The following DDC variants were observed in gnomAD, a reference collection of about 807,000 sequenced individuals.
DDC encodes the protein aromatic-L-amino-acid decarboxylase.
Under a neutral mutation model 60.0 loss-of-function variants are expected in DDC, and 43 were observed. That is an observed-to-expected ratio of 0.72 (90% CI 0.56 to 0.92). The LOEUF (loss-of-function observed/expected upper bound fraction) is 0.92, where lower values mean the gene tolerates loss of function less well. DDC is among the 40% of genes least tolerant of loss of function. DDC has a pLI of 0.00. For missense variants in DDC, 573 were observed against 620.2 expected (o/e 0.92, Z 0.81); for synonymous variants, 232 against 234.6 (o/e 0.99, Z 0.10).
rs923068538 is a variant in DDC, at chr7:50,463,489, T to G, written c.1243-58A>C. On this transcript the variant is annotated intron_variant, in intron 13 of 14. Transcript: ENST00000444124. ...GGTCTCTGAGGACTCAAAAATCAAC[T>G]GGTCATGTAGGAAAGACAGTGCTTG... 8 of 1,465,922 alleles carry G rather than the reference T, an allele frequency of 5.5e-6. No individual in the cohort carries two copies. The African/African-American group carries it at 8.3e-5, about 15-fold the overall frequency. The allele number at this position is 1,465,922 out of a possible 1,614,324, so 90.8% of individuals were successfully genotyped here.
intron 1 of DDC, among the ~76,000 whole-genome samples, chr7:50,551,238 T>G (rs970013624): frequency 6.6e-6 from 1 of 151,200 alleles, no homozygotes; most frequent in African/African-American, 2.4e-5. Flanking sequence ...ACTTTTTTTT[T>G]TTTTTTTTTT....
At chr7:50,503,290 C>T (rs1352319325) in intron 7 of DDC, among the ~76,000 whole-genome samples, 2 of 152,214 alleles carry the variant, frequency 1.3e-5, no homozygotes, top group East Asian at 1.9e-4. Context: ...CCCTGCCCTA[C>T]GAGGGTTCTT....
chr7:50,521,395 A>C (rs1451366), intron 6 of DDC, among the ~76,000 whole-genome samples: 106,700 of 152,062 alleles, frequency 0.7, 37,879 homozygotes, highest in East Asian at 0.8. Flanking sequence ...TTACTTACAG[A>C]AAATAGAAGC....
intron 11 of DDC, among the ~76,000 whole-genome samples, chr7:50,472,926 G>A (rs747591728): frequency 3.5e-4 from 53 of 152,080 alleles, no homozygotes; most frequent in Non-Finnish European, 6.5e-4. Flanking sequence ...TCCCCAGACC[G>A]CCTTAGGTTT....
At chr7:50,536,585 C>A (rs774964852) in intron 4 of DDC, among the ~76,000 whole-genome samples, 1 of 152,234 alleles carries the variant, frequency 6.6e-6, no homozygotes, top group Non-Finnish European at 1.5e-5. Flanking sequence ...AGCAGATTCA[C>A]CCCTGGAGCC....
At chr7:50,522,252 ATG>A (rs1321383021) in intron 6 of DDC, among the ~76,000 whole-genome samples, 5 of 152,158 alleles carry the variant, frequency 3.3e-5, no homozygotes, top group African/African-American at 1.2e-4. Context: ...CAATACTCTA[ATG>A]AAGAAAATTT....
chr7:50,552,083 T>C (rs2045015593), intron 1 of DDC, among the ~76,000 whole-genome samples: 2 of 152,222 alleles, frequency 1.3e-5, no homozygotes, highest in South Asian at 4.1e-4. Context: ...ATATTCCTAG[T>C]CAAAGTGTAA....
At chr7:50,561,651 G>A (rs1311169230) in intron 1 of DDC, among the ~76,000 whole-genome samples, 1 of 151,392 alleles carries the variant, frequency 6.6e-6, no homozygotes, top group Non-Finnish European at 1.5e-5. Context: ...CAACAGGGAG[G>A]ATCATCTTCC....
intron 1 of DDC, among the ~76,000 whole-genome samples, chr7:50,545,894 T>C (rs148314691): frequency 2.8e-3 from 430 of 152,322 alleles, no homozygotes; most frequent in Admixed American, 6.9e-3. Context: ...ATAAGGCACG[T>C]CTTGTGCATA....
At position 50,536,842 on chromosome 7, in the gene DDC, C is replaced by T. The variant is rs115474498; in HGVS notation, c.435+1018G>A. 4.7e-3 allele frequency among the ~76,000 whole-genome samples: 709 copies of T among 152,298 alleles called. 5 individuals carry two copies. Among genetic ancestry groups the T allele is most frequent in the African/African-American group, 0.016 (671 of 41,560 alleles). ...GCACAAAGGTGTTCTCCAGTGTGTG[C>T]CTCACTGTCCTCATCCACTGAATGG... On this transcript the variant is annotated intron_variant, in intron 4 of 14. Coordinates refer to ENST00000444124, the MANE Select transcript of DDC (RefSeq NM_001082971.2).
chr7:50,553,901 A>T (rs79194689), intron 1 of DDC, among the ~76,000 whole-genome samples: 3,428 of 152,326 alleles, frequency 0.023, 150 homozygotes, highest in African/African-American at 0.078. Context: ...GAGCTTTTTA[A>T]TCACAGGAGA....
intron 4 of DDC, among the ~76,000 whole-genome samples, chr7:50,533,504 C>T (rs996868677): frequency 3.3e-4 from 33 of 100,450 alleles, no homozygotes; most frequent in African/African-American, 9.8e-4. Flanking sequence ...CCATGTTGGC[C>T]AGGCTGGTCT....
At chr7:50,551,229 C>CT (rs58446864) in intron 1 of DDC, among the ~76,000 whole-genome samples, 11,071 of 132,966 alleles carry the variant, frequency 0.083, 664 homozygotes, top group Non-Finnish European at 0.12. Context: ...TTCCGTTGTA[C>CT]TTTTTTTTTT....
chr7:50,491,840 C>A (rs2043003822), intron 9 of DDC, among the ~76,000 whole-genome samples: 1 of 152,172 alleles, frequency 6.6e-6, no homozygotes, highest in Admixed American at 6.5e-5. Context: ...CTTGCCCTCC[C>A]CTTTAAATAC....
intron 11 of DDC, among the ~76,000 whole-genome samples, chr7:50,475,761 C>G (rs1451230049): frequency 2.6e-5 from 4 of 151,750 alleles, no homozygotes; most frequent in African/African-American, 9.7e-5. Context: ...ATGATCTCGG[C>G]TCACTGCAAC....
At chr7:50,493,014 A>T (rs998867328) in intron 9 of DDC, 3 of 1,591,068 alleles carry the variant, frequency 1.9e-6, no homozygotes, top group Non-Finnish European at 2.6e-6. Flanking sequence ...ACCTGAGGGC[A>T]GGACGCCGCA....
intron 1 of DDC, among the ~76,000 whole-genome samples, chr7:50,565,002 A>G (rs1267787568): frequency 6.6e-6 from 1 of 152,126 alleles, no homozygotes; most frequent in Non-Finnish European, 1.5e-5. Context: ...ATAGAATCAC[A>G]TCTGGCCCGC....
chr7:50,499,086 G>T (rs1439650130), intron 8 of DDC, 62 bp downstream of exon 8: 4 of 1,269,258 alleles, frequency 3.2e-6, no homozygotes, highest in African/African-American at 1.5e-5. Context: ...TCCTCATGAA[G>T]GGAGAGGTCA....
chr7:50,477,648 G>C (rs1308257246), intron 10 of DDC: 1 of 409,636 alleles, frequency 2.4e-6, no homozygotes, highest in Admixed American at 2.7e-5. Context: ...TTCTCCACTA[G>C]CATAAAAAAT....
Sources: allele counts gnomAD v4.1 joint callset (sites outside exome capture counted in the v4.1 genomes callset), GRCh38; gene constraint gnomAD v4.1.1; transcripts MANE v1.5; gene names NCBI Gene and HGNC (gene_info 2026-07-23, HGNC 2026-07-21).